NUP210L: variants seen among roughly 807,000 people sequenced by gnomAD.
NUP210L encodes nuclear pore membrane glycoprotein 210-like.
In NUP210L, 74 loss-of-function variants were observed where a neutral mutation model predicts 208.5. The observed-to-expected ratio is 0.35, with a 90% confidence interval of 0.29 to 0.43. The LOEUF is 0.43. Ranked by LOEUF, NUP210L falls within the 20% of genes least tolerant of loss-of-function variation. The pLI, the probability that NUP210L is intolerant of heterozygous loss-of-function variation, is 1.00. For missense variants in NUP210L, 1,843 were observed against 2,289.4 expected, an observed-to-expected ratio of 0.81 and a Z score of 3.98; for synonymous variants, 780 against 816.9, an observed-to-expected ratio of 0.95 and a Z score of 0.77.
At chr1:154,024,704 C>A (rs960325149) in intron 30 of NUP210L, among the ~76,000 whole-genome samples, 2 of 74,644 alleles carry the variant, frequency 2.7e-5, no homozygotes, top group African/African-American at 1.0e-4. Flanking sequence ...TTTTTTTTTT[C>A]ATTTTTTGTA....
At chr1:154,025,015 C>T (rs1477535188) in intron 30 of NUP210L, among the ~76,000 whole-genome samples, 1 of 149,568 alleles carries the variant, frequency 6.7e-6, no homozygotes, top group Non-Finnish European at 1.5e-5. Flanking sequence ...GCAGGCTCCG[C>T]CCCCCGGGGT....
intron 27 of NUP210L, among the ~76,000 whole-genome samples, chr1:154,030,289 TACC>T (rs1364699203): frequency 6.6e-6 from 1 of 151,924 alleles, no homozygotes; most frequent in Non-Finnish European, 1.5e-5. Flanking sequence ...TGTAACCAAA[TACC>T]ACCTGTACCC....
At chr1:154,024,960 T>C (rs1284896727) in intron 30 of NUP210L, among the ~76,000 whole-genome samples, 24 of 144,336 alleles carry the variant, frequency 1.7e-4, no homozygotes, top group South Asian at 6.8e-4. Context: ...GATGGAGTCT[T>C]GCTGTCGCCC....
At position 154,027,613 on chromosome 1, in the gene NUP210L, G is replaced by A; in HGVS notation, c.3856-16C>T. ...TTTCAAACACCTATAATGAGAAAATGTTTTCCTCATTTTTGGCAAAGACAA... is the reference window on the plus strand; with the variant it reads ...TTTCAAACACCTATAATGAGAAAATATTTTCCTCATTTTTGGCAAAGACAA... On this transcript the variant is annotated splice_polypyrimidine_tract_variant and intron_variant, in intron 28 of 39. Transcript: ENST00000368559. The A allele has an allele frequency of 3.2e-6, 5 of 1,571,844 alleles. No homozygotes were observed. The highest frequency in any genetic ancestry group is 4.4e-6 in the Non-Finnish European group (5 of 1,144,036).
intron 16 of NUP210L, among the ~76,000 whole-genome samples, chr1:154,075,148 G>C (rs1022297534): frequency 6.6e-6 from 1 of 152,140 alleles, no homozygotes; most frequent in African/African-American, 2.4e-5. Flanking sequence ...TCCTTTAAAT[G>C]GGGACTAGTA....
intron 12 of NUP210L, among the ~76,000 whole-genome samples, chr1:154,115,896 A>G (rs1473177829): frequency 3.3e-5 from 5 of 152,020 alleles, no homozygotes; most frequent in Non-Finnish European, 7.4e-5. Flanking sequence ...GGGTGGGCGG[A>G]TCACTTGAGG....
At chr1:154,081,150 T>C (rs1487150828) in intron 16 of NUP210L, among the ~76,000 whole-genome samples, 1 of 151,910 alleles carries the variant, frequency 6.6e-6, no homozygotes, top group Non-Finnish European at 1.5e-5. Context: ...ATGAAAAGTC[T>C]GATTAGCATA....
intron 9 of NUP210L, among the ~76,000 whole-genome samples, chr1:154,126,718 T>G (rs1657999542): frequency 6.6e-6 from 1 of 152,124 alleles, no homozygotes; most frequent in Non-Finnish European, 1.5e-5. Context: ...TTTAGTGTAA[T>G]TTTTACCATT....
At chr1:154,057,412 G>A (rs1653924841) in intron 22 of NUP210L, among the ~76,000 whole-genome samples, 1 of 152,084 alleles carries the variant, frequency 6.6e-6, no homozygotes, top group African/African-American at 2.4e-5. Context: ...GGGAACGGTG[G>A]AAGGCTCCTG....
intron 16 of NUP210L, among the ~76,000 whole-genome samples, chr1:154,084,688 G>A (rs1278578160): frequency 4.0e-5 from 6 of 151,516 alleles, no homozygotes; most frequent in Non-Finnish European, 8.8e-5. Context: ...GCCCAGGCTG[G>A]TCTCCAACTC....
intron 8 of NUP210L, 69 bp from the exon 9 acceptor site, chr1:154,127,486 C>A: frequency 1.4e-6 from 1 of 706,434 alleles, no homozygotes; most frequent in Non-Finnish European, 2.4e-6. Flanking sequence ...TTTAAAAATA[C>A]AACCTTTATA....
intron 27 of NUP210L, among the ~76,000 whole-genome samples, chr1:154,031,635 TTGTC>T (rs1652228373): frequency 6.6e-6 from 1 of 151,744 alleles, no homozygotes; most frequent in Non-Finnish European, 1.5e-5. Context: ...CATGCGAAGT[TTGTC>T]TATCTATACT....
chr1:154,125,732 AG>A (rs1657901607), intron 10 of NUP210L, among the ~76,000 whole-genome samples: 1 of 47,890 alleles, frequency 2.1e-5, no homozygotes, highest in African/African-American at 6.0e-5. Context: ...GAAGGAAGGA[AG>A]GAAGGGAGGG....
chr1:154,095,023 T>A, exon 15 of NUP210L: 1 of 1,614,208 alleles, frequency 6.2e-7, no homozygotes, highest in Non-Finnish European at 8.5e-7. Flanking sequence ...TATTCCAATC[T>A]TCTCTGTCTT....
At chr1:154,023,933 G>A (rs889873828) in intron 30 of NUP210L, among the ~76,000 whole-genome samples, 2 of 151,752 alleles carry the variant, frequency 1.3e-5, no homozygotes, top group East Asian at 1.9e-4. Flanking sequence ...GATTACAGGC[G>A]CCCGCCACAA....
At chr1:154,081,929 C>T (rs1186377434) in intron 16 of NUP210L, among the ~76,000 whole-genome samples, 1 of 152,104 alleles carries the variant, frequency 6.6e-6, no homozygotes, top group African/African-American at 2.4e-5. Flanking sequence ...CTGCAGCAAG[C>T]CATAATCACG....
exon 25 of NUP210L, chr1:154,054,323 C>A: frequency 1.9e-6 from 3 of 1,614,182 alleles, no homozygotes; most frequent in Non-Finnish European, 2.5e-6. Context: ...GTAACTTGCC[C>A]CCTCCTATTA....
chr1:154,007,895 G>C (rs1271540291), intron 35 of NUP210L, among the ~76,000 whole-genome samples: 1 of 127,678 alleles, frequency 7.8e-6, no homozygotes, highest in African/African-American at 3.0e-5. Flanking sequence ...TTTTTGAGAC[G>C]GAGTCTTGCT....
intron 7 of NUP210L, 113 bp from the exon 8 acceptor site, chr1:154,129,458 C>T: frequency 1.4e-6 from 1 of 726,006 alleles, no homozygotes; most frequent in South Asian, 1.8e-5. Context: ...AACAAAAATC[C>T]TATCTTTTAT....
Sources: allele counts gnomAD v4.1 joint callset (sites outside exome capture counted in the v4.1 genomes callset), GRCh38; gene constraint gnomAD v4.1.1; transcripts MANE v1.5; gene names NCBI Gene and HGNC (gene_info 2026-07-23, HGNC 2026-07-21).